The following INSL6 variants were observed in gnomAD, a reference collection of about 807,000 sequenced individuals.
The protein encoded by INSL6 is insulin-like peptide INSL6.
Under a neutral mutation model 9.4 loss-of-function variants are expected in INSL6, and 16 were observed. The ratio of observed to expected loss-of-function variants is 1.70; its 90% CI spans 1.15 to 2.59. The LOEUF (loss-of-function observed/expected upper bound fraction) is 2.59, where lower values mean the gene tolerates loss of function less well. Among genes scored for constraint, INSL6 ranks in the 30% most tolerant of loss-of-function variants. The probability of loss-of-function intolerance (pLI) is 0.00; values close to 1 mark genes in which losing one functional copy is unlikely to be tolerated. For missense variants in INSL6, 391 were observed against 257.3 expected (o/e 1.52, Z -3.56); for synonymous variants, 154 against 96.9 (o/e 1.59, Z -3.46).
the INSL6 span, chr9:5,114,539 CA>C: frequency 2.1e-6 from 1 of 474,336 alleles, no homozygotes. Context: ...GGAACCAGGA[CA>C]AGCGCACCCT....
At chr9:5,054,979 C>T in the INSL6 span, 5 of 866,624 alleles carry the variant, frequency 5.8e-6, no homozygotes, top group Admixed American at 5.9e-5. This position sits in a 1 kb window ranked among gnomAD's most constrained non-coding sequence, Gnocchi z 4.9. Flanking sequence ...TGGTATTGCA[C>T]TTCTCCCATT....
At chr9:5,151,971 A>G (rs1299428464) in intron 2 of INSL6, among the ~76,000 whole-genome samples, 1 of 152,228 alleles carries the variant, frequency 6.6e-6, no homozygotes, top group Non-Finnish European at 1.5e-5. Context: ...AACACTAATT[A>G]TAAGAAAGCT....
At chr9:5,032,241 A>G in the INSL6 span, among the ~76,000 whole-genome samples, 5 of 152,346 alleles carry the variant, frequency 3.3e-5, 1 homozygote, top group South Asian at 1.0e-3. Context: ...AGGTAAACAA[A>G]GCAGCCAGGA....
the INSL6 span, chr9:5,078,455 G>A: frequency 1.1e-5 from 18 of 1,608,026 alleles, no homozygotes; most frequent in Non-Finnish European, 1.4e-5. Context: ...GTAAGTTCTA[G>A]AAGGATTATA....
chr9:5,121,844 G>A (rs372784574), downstream of INSL6, among the ~76,000 whole-genome samples: 11 of 152,038 alleles, frequency 7.2e-5, no homozygotes, highest in East Asian at 3.8e-4. Flanking sequence ...GGAAATGTGC[G>A]GGAAATTACA....
chr9:5,107,406 A>T, the INSL6 span, among the ~76,000 whole-genome samples: 9 of 152,010 alleles, frequency 5.9e-5, no homozygotes, highest in East Asian at 1.3e-3. Flanking sequence ...TAGCCAACAC[A>T]TTTCTCCTCT....
chr9:5,036,327 A>G, the INSL6 span, among the ~76,000 whole-genome samples: 1 of 152,232 alleles, frequency 6.6e-6, no homozygotes, highest in Non-Finnish European at 1.5e-5. Context: ...ATTCAATGCC[A>G]TCCCCATCAA....
chr9:5,157,450 T>C (rs1417253093), intron 2 of INSL6, among the ~76,000 whole-genome samples: 1 of 152,130 alleles, frequency 6.6e-6, no homozygotes, highest in African/African-American at 2.4e-5. Flanking sequence ...CCCACTCATA[T>C]ATATAGTCAA....
chr9:5,116,089 TG>T, the INSL6 span, among the ~76,000 whole-genome samples: 1 of 152,186 alleles, frequency 6.6e-6, no homozygotes, highest in Non-Finnish European at 1.5e-5. Flanking sequence ...GAACATTTAT[TG>T]TAGGCTTACA....
At chr9:5,073,781 C>T in the INSL6 span, 669 of 1,596,762 alleles carry the variant, frequency 4.2e-4, 8 homozygotes, top group South Asian at 5.3e-3. Flanking sequence ...TCTGTGGAGA[C>T]GAGAGTAAGT....
chr9:5,108,233 T>A, the INSL6 span: 1 of 152,144 alleles, frequency 6.6e-6, no homozygotes, highest in Admixed American at 6.5e-5. Flanking sequence ...GCAGATTTTT[T>A]AAAATTATAG....
chr9:5,149,223 C>T (rs1259380351), intron 2 of INSL6, among the ~76,000 whole-genome samples: 1 of 152,254 alleles, frequency 6.6e-6, no homozygotes, highest in African/African-American at 2.4e-5. Context: ...GGGCCAGGAA[C>T]CAGCCATAGC....
chr9:5,183,593 T>A (rs1013407944), intron 1 of INSL6, among the ~76,000 whole-genome samples: 3 of 152,286 alleles, frequency 2.0e-5, no homozygotes, highest in Admixed American at 6.5e-5. Context: ...CATTCCAACC[T>A]CTCTTTAAAT....
the INSL6 span, among the ~76,000 whole-genome samples, chr9:5,042,594 G>A: frequency 2.4e-5 from 3 of 122,724 alleles, no homozygotes; most frequent in African/African-American, 1.1e-4. Context: ...AGGCCCCCAG[G>A]GCTGAGGCCC....
chr9:5,032,314 C>A, the INSL6 span, among the ~76,000 whole-genome samples: 26 of 152,368 alleles, frequency 1.7e-4, no homozygotes, highest in African/African-American at 6.0e-4. Flanking sequence ...TAGACTCCAC[C>A]TCTGGGGGCA....
the INSL6 span, among the ~76,000 whole-genome samples, chr9:5,003,551 T>A: frequency 6.6e-6 from 1 of 152,070 alleles, no homozygotes; most frequent in African/African-American, 2.4e-5. Context: ...TGCAGTTGAT[T>A]TTTATATATT....
At chr9:5,142,257 A>G (rs572470891) in intron 2 of INSL6, among the ~76,000 whole-genome samples, 3 of 152,224 alleles carry the variant, frequency 2.0e-5, no homozygotes, top group Admixed American at 1.3e-4. Context: ...AAAAATGTCA[A>G]TGGTAGCTTA....
At chr9:5,030,481 T>C in the INSL6 span, among the ~76,000 whole-genome samples, 3 of 152,148 alleles carry the variant, frequency 2.0e-5, no homozygotes, top group Non-Finnish European at 4.4e-5. Flanking sequence ...TAAGCATTTA[T>C]ATACATATAT....
chr9:5,054,094 G>C, the INSL6 span, among the ~76,000 whole-genome samples: 2 of 151,984 alleles, frequency 1.3e-5, no homozygotes, highest in East Asian at 3.8e-4. This position sits in a 1 kb window ranked among gnomAD's most constrained non-coding sequence, Gnocchi z 4.9. Flanking sequence ...ATAATATACA[G>C]AAGTATGTTT....
Sources: gnomAD v4.1 joint callset for allele counts (sites outside exome capture counted in the v4.1 genomes callset) on GRCh38, gnomAD v4.1.1 for gene constraint, Gnocchi (gnomAD v3.1) non-coding constraint, MANE v1.5 for transcripts, NCBI Gene and HGNC (gene_info 2026-07-23, HGNC 2026-07-21) for gene names.